Variants in LGSN observed in about 807,000 individuals in gnomAD.
LGSN encodes the protein lengsin.
A neutral mutation model predicts 19.5 loss-of-function variants in LGSN; 21 were observed. The ratio of observed to expected loss-of-function variants is 1.07; its 90% confidence interval spans 0.76 to 1.55. The LOEUF (loss-of-function observed/expected upper bound fraction) is 1.55. Among genes scored for constraint, LGSN ranks in the 40% most tolerant of loss-of-function variants. The probability of loss-of-function intolerance (pLI) is 0.00; values close to 1 mark genes in which losing one functional copy is unlikely to be tolerated. For synonymous variants in LGSN, 257 were observed against 215.6 expected (o/e 1.19, Z -1.68); for missense variants, 673 against 608.5 (o/e 1.11, Z -1.12).
At chr6:63,331,648 C>T in the LGSN span, among the ~76,000 whole-genome samples, 4 of 151,990 alleles carry the variant, frequency 2.6e-5, no homozygotes, top group Non-Finnish European at 5.9e-5. Context: ...ACAACCCCTG[C>T]CCAAGAACCC....
the LGSN span, among the ~76,000 whole-genome samples, chr6:63,516,623 ATTC>A: frequency 1.3e-5 from 2 of 152,130 alleles, no homozygotes; most frequent in African/African-American, 4.8e-5. Flanking sequence ...CTTAATACTC[ATTC>A]TTCTCATCTT....
At chr6:63,484,570 C>A in the LGSN span, among the ~76,000 whole-genome samples, 1 of 152,020 alleles carries the variant, frequency 6.6e-6, no homozygotes, top group East Asian at 1.9e-4. Flanking sequence ...ATGTAAAGAC[C>A]AATTGACAGC....
chr6:63,507,340 G>A, the LGSN span, among the ~76,000 whole-genome samples: 1 of 152,158 alleles, frequency 6.6e-6, no homozygotes, highest in Admixed American at 6.5e-5. Context: ...TTAAGGGAGG[G>A]TTATTGGTGC....
At chr6:63,334,750 A>G in the LGSN span, among the ~76,000 whole-genome samples, 3 of 152,222 alleles carry the variant, frequency 2.0e-5, no homozygotes, top group Non-Finnish European at 4.4e-5. Context: ...TGGTTCTGGT[A>G]TAAAAATAGA....
chr6:63,345,055 G>T, the LGSN span, among the ~76,000 whole-genome samples: 112 of 152,026 alleles, frequency 7.4e-4, 1 homozygote, highest in South Asian at 7.0e-3. Flanking sequence ...ATAATTCTAT[G>T]ACCTAAATAA....
chr6:63,439,659 A>G, the LGSN span, among the ~76,000 whole-genome samples: 1 of 151,796 alleles, frequency 6.6e-6, no homozygotes, highest in African/African-American at 2.4e-5. Context: ...CTTGTCCTCC[A>G]CCTCTTCTCA....
At chr6:63,363,778 AG>A in the LGSN span, among the ~76,000 whole-genome samples, 2 of 152,228 alleles carry the variant, frequency 1.3e-5, no homozygotes, top group African/African-American at 4.8e-5. Context: ...AACACTCTTC[AG>A]GGTATTATCC....
At chr6:63,526,606 G>C in the LGSN span, among the ~76,000 whole-genome samples, 2 of 150,926 alleles carry the variant, frequency 1.3e-5, no homozygotes, top group Non-Finnish European at 3.0e-5. Flanking sequence ...TAAGGAGATC[G>C]AGACCATCCT....
the LGSN span, among the ~76,000 whole-genome samples, chr6:63,373,165 C>A: frequency 2.0e-5 from 3 of 152,312 alleles, no homozygotes; most frequent in Admixed American, 1.3e-4. Context: ...TGTGACTCAC[C>A]ACCTCCCTTA....
intron 1 of LGSN, among the ~76,000 whole-genome samples, chr6:63,314,805 G>A (rs1034503274): frequency 5.9e-5 from 9 of 152,196 alleles, no homozygotes; most frequent in African/African-American, 1.4e-4. Flanking sequence ...AGAAAGAGCC[G>A]ACTCAAGAAA....
chr6:63,369,834 C>T, the LGSN span, among the ~76,000 whole-genome samples: 1 of 152,112 alleles, frequency 6.6e-6, no homozygotes, highest in Admixed American at 6.5e-5. Context: ...GAAACCCCAT[C>T]TCTACTAAAA....
chr6:63,455,165 A>G, the LGSN span, among the ~76,000 whole-genome samples: 1 of 152,202 alleles, frequency 6.6e-6, no homozygotes, highest in Admixed American at 6.5e-5. Context: ...CTCAGTTACA[A>G]GGAAAAAACA....
chr6:63,566,343 G>C, the LGSN span, among the ~76,000 whole-genome samples: 22 of 152,222 alleles, frequency 1.4e-4, no homozygotes, highest in Admixed American at 2.0e-4. Flanking sequence ...CTGTAGCCAG[G>C]GGGTGAGGGG....
chr6:63,365,695 AC>A, the LGSN span, among the ~76,000 whole-genome samples: 1 of 152,256 alleles, frequency 6.6e-6, no homozygotes, highest in East Asian at 1.9e-4. Flanking sequence ...TCAATAAAAT[AC>A]TAGCAAACTG....
chr6:63,507,672 G>A, the LGSN span, among the ~76,000 whole-genome samples: 1 of 152,058 alleles, frequency 6.6e-6, no homozygotes, highest in Non-Finnish European at 1.5e-5. Flanking sequence ...TTCAAAGCCT[G>A]ATTCTTCATC....
the LGSN span, among the ~76,000 whole-genome samples, chr6:63,519,040 C>T: frequency 1.3e-5 from 2 of 152,154 alleles, no homozygotes; most frequent in Non-Finnish European, 2.9e-5. Flanking sequence ...ACAGGCCGGG[C>T]ACAGTGGCTC....
At chr6:63,370,140 T>C in the LGSN span, among the ~76,000 whole-genome samples, 1 of 152,230 alleles carries the variant, frequency 6.6e-6, no homozygotes, top group Admixed American at 6.5e-5. Flanking sequence ...TTCAGCTTAT[T>C]GTAAAGACTT....
chr6:63,394,137 G>A, the LGSN span, among the ~76,000 whole-genome samples: 1 of 152,098 alleles, frequency 6.6e-6, no homozygotes, highest in Non-Finnish European at 1.5e-5. Flanking sequence ...CGTGGTGGGC[G>A]ACTGTAATCC....
intron 2 of LGSN, among the ~76,000 whole-genome samples, chr6:63,289,453 G>A (rs1474373705): frequency 6.6e-6 from 1 of 152,104 alleles, no homozygotes; most frequent in African/African-American, 2.4e-5. Context: ...TGCACATGAT[G>A]AATAGCAGGC....
Sources: allele counts gnomAD v4.1 joint callset (sites outside exome capture counted in the v4.1 genomes callset), GRCh38; gene constraint gnomAD v4.1.1; transcripts MANE v1.5; gene names NCBI Gene and HGNC (gene_info 2026-07-23, HGNC 2026-07-21).